The following ZC3H6 variants were observed in gnomAD, a reference collection of about 807,000 sequenced individuals.
ZC3H6 encodes zinc finger CCCH domain-containing protein 6.
A neutral mutation model predicts 107.7 loss-of-function variants in ZC3H6; 40 were observed. The ratio of observed to expected loss-of-function variants is 0.37; its 90% CI spans 0.29 to 0.48. The LOEUF is 0.48. ZC3H6 is among the 20% of genes least tolerant of loss of function. The pLI, the probability that ZC3H6 is intolerant of heterozygous loss-of-function variation, is 0.98. For missense variants in ZC3H6, 1,267 were observed against 1,410.4 expected, an observed-to-expected ratio of 0.90 and a Z score of 1.63; for synonymous variants, 493 against 487.9, an observed-to-expected ratio of 1.01 and a Z score of -0.14.
chr2:112,308,152 A>T (rs181615010), intron 3 of ZC3H6, among the ~76,000 whole-genome samples: 616 of 152,234 alleles, frequency 4.0e-3, no homozygotes, highest in Non-Finnish European at 6.6e-3. Flanking sequence ...TTTGGCTACA[A>T]TCATAAATTC....
chr2:112,303,755 G>A (rs751073605), intron 3 of ZC3H6, among the ~76,000 whole-genome samples: 13 of 152,112 alleles, frequency 8.5e-5, no homozygotes, highest in Non-Finnish European at 1.6e-4. Flanking sequence ...ATTCCGTTGT[G>A]TGTATATATC....
At chr2:112,322,094 C>CCCTTCCCTCCTTCCCGTCTTCCCT (rs1676812253) in intron 8 of ZC3H6, among the ~76,000 whole-genome samples, 1 of 149,664 alleles carries the variant, frequency 6.7e-6, no homozygotes, top group African/African-American at 2.5e-5. Flanking sequence ...CTTTCTCTCC[C>CCCTTCCCTCCTTCCCGTCTTCCCT]CCTTCCCTCC....
In ZC3H6 at chr2:112,334,015, AC is replaced by A. The variant is rs1010226967; in HGVS notation, c.*1528del. 3 of 152,004 alleles carry A rather than the reference AC, an allele frequency of 2.0e-5. No homozygotes were observed. Among genetic ancestry groups the A allele is most frequent in the South Asian group, 2.1e-4 (1 of 4,826 alleles). The allele number at this position is 152,004 out of a possible 1,614,324, so 9.4% of individuals were successfully genotyped here. On this transcript the variant is annotated 3_prime_UTR_variant, in exon 12 of 12. Coordinates refer to ENST00000409871, the MANE Select transcript of ZC3H6 (RefSeq NM_198581.3). The stretch of plus-strand genomic sequence containing the variant: ...TGGGGTTGTGGTTAAGTGAACGAGA[AC>A]TCTGCCTACCTAAGAAGTTCATTGT...
intron 1 of ZC3H6, among the ~76,000 whole-genome samples, chr2:112,279,402 G>C (rs1445606614): frequency 2.6e-5 from 4 of 152,176 alleles, no homozygotes; most frequent in African/African-American, 9.7e-5. Flanking sequence ...ATATACTAAT[G>C]GTAAAAGGTT....
intron 1 of ZC3H6, among the ~76,000 whole-genome samples, chr2:112,277,076 A>G (rs1686440574): frequency 6.6e-6 from 1 of 152,206 alleles, no homozygotes; most frequent in African/African-American, 2.4e-5. Flanking sequence ...AGAAGCAAAA[A>G]TCACAAACAC....
intron 3 of ZC3H6, among the ~76,000 whole-genome samples, chr2:112,308,827 G>A (rs1219450674): frequency 1.3e-5 from 2 of 151,250 alleles, no homozygotes; most frequent in Admixed American, 1.3e-4. Flanking sequence ...GCTGAGGCAG[G>A]CGGATCACAA....
chr2:112,337,233 T>G lies in ZC3H6; in HGVS notation c.*4745T>G, dbSNP rs1317558862. The G allele has an allele frequency of 1.3e-5, 2 of 152,154 alleles. No homozygotes were observed. The highest frequency in any genetic ancestry group is 2.9e-5 in the Non-Finnish European group (2 of 68,044). 9.4% of individuals were successfully genotyped at this position (152,154 alleles called of 1,614,324 possible). On this transcript the variant is annotated 3_prime_UTR_variant, in exon 12 of 12. Coordinates refer to ENST00000409871, the MANE Select transcript of ZC3H6 (RefSeq NM_198581.3). ...ACTTCATGGTGAAAGTTTGGATTGA[T>G]CAATAATTTATTCCTATAAAGGTCT...
At position 112,332,516 on chromosome 2, in the gene ZC3H6, ACT is replaced by A; in HGVS notation, c.*31_*32del. ...ATTGTGTAACTGAGCAATTCTTTTC[ACT>A]CTTGTGACTATCTCAGTCCTCTGCT... On this transcript the variant is annotated 3_prime_UTR_variant, in exon 12 of 12. Coordinates refer to ENST00000409871, the MANE Select transcript of ZC3H6 (RefSeq NM_198581.3). The A allele has an allele frequency of 6.4e-7, 1 of 1,567,234 alleles. No homozygotes were observed. The highest frequency in any genetic ancestry group is 8.6e-7 in the Non-Finnish European group (1 of 1,158,282).
rs905259483 is a variant in ZC3H6 at position 112,322,748 on chromosome 2, G to T, written c.1186G>T (p.Val396Phe). The T allele has an allele frequency of 6.2e-7, 1 of 1,613,862 alleles. No homozygotes were observed. The highest frequency in any genetic ancestry group is 8.5e-7 in the Non-Finnish European group (1 of 1,179,862). Residue 396 changes from valine (V) to phenylalanine (F), a missense_variant, in exon 9 of 12, where the codon GTT (valine) becomes TTT (phenylalanine). By Grantham distance (50) the Val-to-Phe change is conservative (BLOSUM62 -1). Transcript: ENST00000409871. ...ITPLPKPPPG[V>F]GLLPTPPEHF... ...TCCTCTTCCCAAACCACCTCCAGGG[G>T]TTGGGCTTCTGCCAACCCCTCCAGA...
intron 3 of ZC3H6, among the ~76,000 whole-genome samples, chr2:112,304,188 G>A (rs1676434474): frequency 6.6e-6 from 1 of 152,038 alleles, no homozygotes; most frequent in Non-Finnish European, 1.5e-5. Flanking sequence ...TTGTGGTTTT[G>A]AGTATTGCCC....
In ZC3H6 at chr2:112,332,343, G is replaced by C; in HGVS notation, c.3425G>C (p.Arg1142Thr). ...LPVQALTGLIRPQYSDPRQAR... is the reference protein window; with the variant it reads ...LPVQALTGLITPQYSDPRQAR... The stretch of plus-strand genomic sequence containing the variant: ...GTTCAGGCATTAACAGGCTTAATTA[G>C]GCCACAGTACAGTGATCCAAGGCAG... Residue 1142 changes from arginine (R) to threonine (T), a missense_variant, in exon 12 of 12, where the codon AGG (arginine) becomes ACG (threonine). By Grantham distance (71) the Arg-to-Thr change is moderately conservative (BLOSUM62 -1). Transcript: ENST00000409871. 1 of 1,613,928 alleles carries C rather than the reference G, an allele frequency of 6.2e-7. No individual in the cohort carries two copies. Among genetic ancestry groups the C allele is most frequent in the South Asian group, 1.1e-5 (1 of 91,078 alleles).
At chr2:112,302,078 A>G (rs2104706742) in intron 2 of ZC3H6, among the ~76,000 whole-genome samples, 1 of 152,174 alleles carries the variant, frequency 6.6e-6, no homozygotes, top group East Asian at 1.9e-4. Context: ...CTACCCTACC[A>G]AGAAACACAA....
intron 6 of ZC3H6, 23 bp from the exon 7 acceptor site, chr2:112,317,198 C>CTTTTTTTTTTTTTTTTTTTTT: frequency 9.7e-7 from 1 of 1,027,106 alleles, no homozygotes; most frequent in Non-Finnish European, 1.3e-6. Context: ...TTTCTTTTTT[C>CTTTTTTTTTTTTTTTTTTTTT]TTTTTTTTTT....
chr2:112,299,407 A>G (rs570605059), intron 1 of ZC3H6, among the ~76,000 whole-genome samples: 4 of 152,170 alleles, frequency 2.6e-5, no homozygotes, highest in Non-Finnish European at 5.9e-5. Context: ...TTTTAAAACT[A>G]TAGCTGTCTA....
intron 1 of ZC3H6, among the ~76,000 whole-genome samples, chr2:112,293,098 G>C (rs1676152583): frequency 1.3e-5 from 2 of 152,146 alleles, no homozygotes; most frequent in Admixed American, 6.5e-5. Flanking sequence ...TGTAACAAAA[G>C]TAAGTAAGAA....
Position 112,338,763 on chromosome 2 carries a change from A to G in ZC3H6, c.*6275A>G, listed in dbSNP as rs1677180908. 1 of 150,704 alleles carries G rather than the reference A, an allele frequency of 6.6e-6. No individual in the cohort carries two copies. Among genetic ancestry groups the G allele is most frequent in the Non-Finnish European group, 1.5e-5 (1 of 67,666 alleles). The allele number at this position is 150,704 out of a possible 1,614,324, so 9.3% of individuals were successfully genotyped here. A position where few individuals can be genotyped will look rare whatever the true frequency, so the allele number is the denominator to read the frequency against. On this transcript the variant is annotated 3_prime_UTR_variant, in exon 12 of 12. Transcript: ENST00000409871. ...AAAGAAATTAAATATATAGAGGCTC[A>G]ATTAAAAAATAACCATATTCTCAAA...
intron 1 of ZC3H6, among the ~76,000 whole-genome samples, chr2:112,293,714 G>A (rs10203614): frequency 0.65 from 99,153 of 152,036 alleles, 34,289 homozygotes; most frequent in African/African-American, 0.9. Flanking sequence ...AACTATACAT[G>A]TGCTATTTAG....
At position 112,333,879 on chromosome 2, in the gene ZC3H6, C is replaced by T. The variant is rs972990566; in HGVS notation, c.*1391C>T. 1 of 151,892 alleles carries T rather than the reference C, an allele frequency of 6.6e-6. No homozygotes were observed. The highest frequency in any genetic ancestry group is 2.4e-5 in the African/African-American group (1 of 41,370). 9.4% of individuals were successfully genotyped at this position (151,892 alleles called of 1,614,324 possible). A position where few individuals can be genotyped will look rare whatever the true frequency, so the allele number is the denominator to read the frequency against. ...GAGAAGGGATTTTTTTTTAAATATA[C>T]AGTAAAATATTTCGTGGGAACCTAA... On this transcript the variant is annotated 3_prime_UTR_variant, in exon 12 of 12. Transcript: ENST00000409871.
intron 1 of ZC3H6, among the ~76,000 whole-genome samples, chr2:112,294,571 G>A (rs1374315591): frequency 6.6e-6 from 1 of 152,160 alleles, no homozygotes; most frequent in African/African-American, 2.4e-5. Flanking sequence ...CTTTTATAGA[G>A]GCTTTTGTGT....
Sources: allele counts gnomAD v4.1 joint callset (sites outside exome capture counted in the v4.1 genomes callset), GRCh38; gene constraint gnomAD v4.1.1; transcripts MANE v1.5; gene names NCBI Gene and HGNC (gene_info 2026-07-23, HGNC 2026-07-21).